ZNF438: variants seen among roughly 807,000 people sequenced by gnomAD.
ZNF438 encodes zinc finger protein 438.
In ZNF438, 25 loss-of-function variants were observed where a neutral mutation model predicts 38.0. The ratio of observed to expected loss-of-function variants is 0.66; its 90% CI spans 0.48 to 0.92. The LOEUF is 0.92. Ranked by LOEUF, ZNF438 falls within the 40% of genes least tolerant of loss-of-function variation. The probability of loss-of-function intolerance (pLI) is 0.00; values close to 1 mark genes in which losing one functional copy is unlikely to be tolerated. For missense variants in ZNF438, 1,007 were observed against 999.6 expected (o/e 1.01, Z -0.10); for synonymous variants, 372 against 364.1 (o/e 1.02, Z -0.25).
chr10:30,892,251 A>G (rs1379046784), intron 3 of ZNF438, among the ~76,000 whole-genome samples: 1 of 152,182 alleles, frequency 6.6e-6, no homozygotes, highest in Non-Finnish European at 1.5e-5. Flanking sequence ...ATTTTTTCCT[A>G]TACATACATA....
At chr10:30,910,204 T>C (rs1157599835) in intron 2 of ZNF438, among the ~76,000 whole-genome samples, 4 of 152,044 alleles carry the variant, frequency 2.6e-5, no homozygotes, top group Non-Finnish European at 2.9e-5. Context: ...CCTGAGACTA[T>C]AGGTGAAGGG....
At chr10:30,971,366 T>G (rs952061422) in intron 1 of ZNF438, among the ~76,000 whole-genome samples, 1 of 152,188 alleles carries the variant, frequency 6.6e-6, no homozygotes, top group Non-Finnish European at 1.5e-5. Flanking sequence ...ATCAACATTC[T>G]GTGTTTAAAC....
intron 5 of ZNF438, among the ~76,000 whole-genome samples, chr10:30,845,974 C>T (rs1342015971): frequency 6.6e-6 from 1 of 152,242 alleles, no homozygotes; most frequent in Non-Finnish European, 1.5e-5. Flanking sequence ...TCTCCCTAAC[C>T]TTGAGCACCA....
intron 1 of ZNF438, among the ~76,000 whole-genome samples, chr10:31,027,434 A>C (rs2057015310): frequency 1.3e-5 from 2 of 151,930 alleles, no homozygotes; most frequent in African/African-American, 2.4e-5. Context: ...AGGATGTTAT[A>C]TTTCGCATGG....
rs1187641404 is a variant in ZNF438 at position 30,952,562 on chromosome 10, AC to A, written c.-191-10912del. On this transcript the variant is annotated intron_variant, in intron 1 of 5. Coordinates refer to ENST00000413025, the Ensembl canonical transcript of ZNF438. ...ACTCAAACAAATTTACAAGAAAAAA[AC>A]AAACAACCCCATCAAAAAGTGGGCG... is the stretch of plus-strand genomic sequence containing the variant. Among the ~76,000 whole-genome samples, 4 of 145,142 alleles carry A rather than the reference AC, an allele frequency of 2.8e-5. No individual in the cohort carries two copies. The East Asian group carries it at 8.0e-4, about 29-fold the overall frequency.
chr10:30,912,098 C>A (rs1385553071), intron 2 of ZNF438, among the ~76,000 whole-genome samples: 1 of 152,070 alleles, frequency 6.6e-6, no homozygotes, highest in African/African-American at 2.4e-5. Flanking sequence ...ACCATTTGGC[C>A]CCACATCTCC....
At chr10:31,006,265 A>G (rs1382074606) in intron 1 of ZNF438, among the ~76,000 whole-genome samples, 2 of 152,142 alleles carry the variant, frequency 1.3e-5, no homozygotes, top group Non-Finnish European at 2.9e-5. Flanking sequence ...ACGTTCAGTG[A>G]CACCCTCCAA....
chr10:30,982,171 G>A (rs368838098), intron 1 of ZNF438, among the ~76,000 whole-genome samples: 6 of 150,010 alleles, frequency 4.0e-5, no homozygotes, highest in South Asian at 2.1e-4. Context: ...GCGCGATCTC[G>A]GCTCACTGCG....
intron 3 of ZNF438, among the ~76,000 whole-genome samples, chr10:30,887,663 C>T (rs1469283968): frequency 1.3e-5 from 2 of 152,182 alleles, no homozygotes; most frequent in African/African-American, 4.8e-5. Context: ...GCTGGGATTA[C>T]AGGCGTGAGC....
intron 1 of ZNF438, among the ~76,000 whole-genome samples, chr10:30,950,443 A>C (rs1254358380): frequency 4.0e-5 from 6 of 149,288 alleles, no homozygotes. Flanking sequence ...CCCTTCAAAA[A>C]ATTAATGAAT....
chr10:30,888,332 TATA>T (rs1277674700), intron 3 of ZNF438, among the ~76,000 whole-genome samples: 4 of 64,140 alleles, frequency 6.2e-5, no homozygotes, highest in Non-Finnish European at 1.3e-4. Context: ...ACTTTAGTTA[TATA>T]ATATTATAAA....
intron 4 of ZNF438, among the ~76,000 whole-genome samples, chr10:30,852,262 G>A (rs971455747): frequency 3.3e-5 from 5 of 150,396 alleles, no homozygotes; most frequent in Non-Finnish European, 7.4e-5. Context: ...TTAGGTGAGT[G>A]CAATGGTGCG....
At chr10:30,860,102 G>A (rs1224420455) in intron 4 of ZNF438, among the ~76,000 whole-genome samples, 1 of 151,944 alleles carries the variant, frequency 6.6e-6, no homozygotes, top group East Asian at 1.9e-4. Context: ...CATAAAACCT[G>A]AAATTATTAC....
intron 1 of ZNF438, among the ~76,000 whole-genome samples, chr10:30,972,769 A>G (rs2050888170): frequency 6.6e-6 from 1 of 152,296 alleles, no homozygotes; most frequent in South Asian, 2.1e-4. Flanking sequence ...GGAAATCCCT[A>G]CCTCAAAGAG....
intron 1 of ZNF438, among the ~76,000 whole-genome samples, chr10:30,970,618 A>C: frequency 6.6e-6 from 1 of 152,182 alleles, no homozygotes; most frequent in Admixed American, 6.5e-5. Context: ...GCATATACAT[A>C]AGCACAACCT....
rs549695427 is a variant in ZNF438 at position 30,930,567 on chromosome 10, C to T, written c.-115+11008G>A. ...GGCCTGAGGAGGTGCCGAGAGCAAG[C>T]GAGGGCTGCTGGCATGTTGTCACCT... On this transcript the variant is annotated intron_variant, in intron 2 of 5. Coordinates refer to ENST00000413025, the Ensembl canonical transcript of ZNF438. Among the ~76,000 whole-genome samples, 16 of 151,890 alleles carry T rather than the reference C, an allele frequency of 1.1e-4. No individual in the cohort carries two copies. In the South Asian group the frequency reaches 2.9e-3, roughly 28 times the overall value.
At chr10:31,019,648 C>T (rs1295165241) in intron 1 of ZNF438, among the ~76,000 whole-genome samples, 1 of 152,190 alleles carries the variant, frequency 6.6e-6, no homozygotes, top group East Asian at 1.9e-4. Flanking sequence ...AAGGCAGAGG[C>T]AGACAATTCA....
At chr10:30,916,072 G>C (rs534069135) in intron 2 of ZNF438, among the ~76,000 whole-genome samples, 1 of 152,080 alleles carries the variant, frequency 6.6e-6, no homozygotes, top group Non-Finnish European at 1.5e-5. Flanking sequence ...AGTCTCAGAA[G>C]ATTTATACTG....
intron 4 of ZNF438, among the ~76,000 whole-genome samples, chr10:30,874,716 T>C (rs907510147): frequency 6.6e-6 from 1 of 151,826 alleles, no homozygotes; most frequent in African/African-American, 2.4e-5. Context: ...TTAAGCATAG[T>C]ATGTTTGATG....
Sources: allele counts gnomAD v4.1 joint callset (sites outside exome capture counted in the v4.1 genomes callset), GRCh38; gene constraint gnomAD v4.1.1; transcripts MANE v1.5; gene names NCBI Gene and HGNC (gene_info 2026-07-23, HGNC 2026-07-21).